RNLS: variants seen among roughly 807,000 people sequenced by gnomAD.
RNLS encodes renalase.
A neutral mutation model predicts 39.8 loss-of-function variants in RNLS; 39 were observed. The observed-to-expected ratio is 0.98, with a 90% CI of 0.76 to 1.28. RNLS has a LOEUF of 1.28. Ranked by LOEUF, RNLS falls within the 50% of genes most tolerant of loss-of-function variation. RNLS has a pLI of 0.00. For missense variants in RNLS, 410 were observed against 413.3 expected (o/e 0.99, Z 0.07); for synonymous variants, 147 against 150.7 (o/e 0.98, Z 0.18).
chr10:88,414,737 C>T (rs1257485926), intron 4 of RNLS, among the ~76,000 whole-genome samples: 3 of 152,094 alleles, frequency 2.0e-5, no homozygotes, highest in Non-Finnish European at 2.9e-5. Flanking sequence ...AGAAATGGTC[C>T]GTTCTATCAA....
intron 4 of RNLS, among the ~76,000 whole-genome samples, chr10:88,571,788 C>G (rs1486528709): frequency 1.3e-5 from 2 of 152,204 alleles, no homozygotes; most frequent in Admixed American, 1.3e-4. Flanking sequence ...CTTCCCTGTT[C>G]ACCTCTGGAT....
At chr10:88,576,969 C>T (rs1234974019) in intron 3 of RNLS, among the ~76,000 whole-genome samples, 1 of 152,146 alleles carries the variant, frequency 6.6e-6, no homozygotes, top group Non-Finnish European at 1.5e-5. Flanking sequence ...TAAATAAAAG[C>T]TGCTCACTCT....
intron 4 of RNLS, among the ~76,000 whole-genome samples, chr10:88,561,400 T>C (rs1488454760): frequency 2.6e-5 from 4 of 152,064 alleles, no homozygotes; most frequent in Non-Finnish European, 4.4e-5. Context: ...GACTCAAGTA[T>C]ATATGGAATT....
intron 4 of RNLS, among the ~76,000 whole-genome samples, chr10:88,366,784 GAGTAACCTTT>G (rs1482180714): frequency 6.7e-6 from 1 of 150,346 alleles, no homozygotes; most frequent in Admixed American, 6.7e-5. Flanking sequence ...CATACAAGGA[GAGTAACCTTT>G]AGTAACCTGA....
chr10:88,457,616 GT>G (rs142144203), intron 4 of RNLS, among the ~76,000 whole-genome samples: 27,023 of 152,174 alleles, frequency 0.18, 2,873 homozygotes, highest in Non-Finnish European at 0.25. Context: ...AGGATTTAGG[GT>G]TTATGAGGTT....
intron 5 of RNLS, among the ~76,000 whole-genome samples, chr10:88,337,198 T>C (rs908695210): frequency 1.3e-5 from 2 of 152,112 alleles, no homozygotes; most frequent in Non-Finnish European, 2.9e-5. Flanking sequence ...ATCTACATAA[T>C]AGATGCAAGA....
intron 4 of RNLS, among the ~76,000 whole-genome samples, chr10:88,469,334 C>A (rs1456191766): frequency 2.6e-5 from 4 of 152,206 alleles, no homozygotes; most frequent in African/African-American, 9.7e-5. Context: ...CTGTTTGAGG[C>A]ATGTGGCTCA....
the RNLS span, among the ~76,000 whole-genome samples, chr10:88,172,848 T>TTTTTTTG: frequency 2.4e-5 from 1 of 41,466 alleles, no homozygotes; most frequent in Non-Finnish European, 4.8e-5. Flanking sequence ...AGTTGTTTTT[T>TTTTTTTG]TTTTTTTTTT....
chr10:88,522,238 T>A (rs192153383), intron 4 of RNLS, among the ~76,000 whole-genome samples: 5 of 152,192 alleles, frequency 3.3e-5, no homozygotes, highest in African/African-American at 1.2e-4. Flanking sequence ...AATAAACAGG[T>A]TTAATAAGCA....
chr10:88,406,866 C>T (rs1233828802), intron 4 of RNLS, among the ~76,000 whole-genome samples: 1 of 151,960 alleles, frequency 6.6e-6, no homozygotes, highest in East Asian at 1.9e-4. Context: ...TACTACACAG[C>T]CATAAAAAGG....
chr10:88,303,502 C>A (rs1844685499), intron 6 of RNLS, among the ~76,000 whole-genome samples: 1 of 152,308 alleles, frequency 6.6e-6, no homozygotes, highest in East Asian at 1.9e-4. Flanking sequence ...GAGTGCAGAG[C>A]TGCAGTAGGG....
At chr10:88,435,671 G>A (rs956896162) in intron 4 of RNLS, among the ~76,000 whole-genome samples, 1 of 151,968 alleles carries the variant, frequency 6.6e-6, no homozygotes, top group African/African-American at 2.4e-5. Flanking sequence ...ATAGCAAAAG[G>A]GACACAGCTG....
At chr10:88,542,970 C>A (rs1354637465) in intron 4 of RNLS, among the ~76,000 whole-genome samples, 1 of 152,112 alleles carries the variant, frequency 6.6e-6, no homozygotes, top group African/African-American at 2.4e-5. Flanking sequence ...GACAAAGTTA[C>A]CAGTAAACTG....
At chr10:88,437,216 A>C (rs943343264) in intron 4 of RNLS, among the ~76,000 whole-genome samples, 7 of 152,252 alleles carry the variant, frequency 4.6e-5, no homozygotes, top group African/African-American at 1.7e-4. Flanking sequence ...ATAAAGAAGT[A>C]TCAATCTGCT....
the RNLS span, among the ~76,000 whole-genome samples, chr10:88,261,913 G>C: frequency 2.0e-5 from 3 of 152,234 alleles, no homozygotes; most frequent in Non-Finnish European, 2.9e-5. Context: ...TAATCTTTTA[G>C]ATGGAGGAGT....
chr10:88,424,435 T>C (rs1854590089), intron 4 of RNLS, among the ~76,000 whole-genome samples: 1 of 152,036 alleles, frequency 6.6e-6, no homozygotes, highest in African/African-American at 2.4e-5. Flanking sequence ...GGCTTGAATG[T>C]AGTTTCATAA....
the RNLS span, among the ~76,000 whole-genome samples, chr10:88,199,905 G>T: frequency 6.6e-6 from 1 of 152,170 alleles, no homozygotes; most frequent in South Asian, 2.1e-4. Context: ...AAGGCAGGAG[G>T]ATCCCTTCAG....
chr10:88,492,111 G>GT (rs1399939085), intron 4 of RNLS, among the ~76,000 whole-genome samples: 3 of 152,060 alleles, frequency 2.0e-5, no homozygotes, highest in Admixed American at 2.0e-4. Context: ...ATAGTAACAC[G>GT]TGTTACATAT....
At chr10:88,181,636 A>G in the RNLS span, among the ~76,000 whole-genome samples, 2 of 152,170 alleles carry the variant, frequency 1.3e-5, no homozygotes, top group African/African-American at 4.8e-5. Flanking sequence ...GGATCAGTTT[A>G]TTTAAGGGTA....
Sources: gnomAD v4.1 joint callset for allele counts (sites outside exome capture counted in the v4.1 genomes callset) on GRCh38, gnomAD v4.1.1 for gene constraint, MANE v1.5 for transcripts, NCBI Gene and HGNC (gene_info 2026-07-23, HGNC 2026-07-21) for gene names.